The following TFDP1 variants were observed in gnomAD, a reference collection of about 807,000 sequenced individuals.
TFDP1 encodes the protein DRTF1-polypeptide 1.
Under a neutral mutation model 48.0 loss-of-function variants are expected in TFDP1, and 6 were observed. The ratio of observed to expected loss-of-function variants is 0.13; its 90% CI spans 0.07 to 0.25. The LOEUF (loss-of-function observed/expected upper bound fraction) is 0.25, where lower values mean the gene tolerates loss of function less well. Among genes scored for constraint, TFDP1 ranks in the 10% least tolerant of loss-of-function variants. The probability of loss-of-function intolerance (pLI) is 1.00; values close to 1 mark genes in which losing one functional copy is unlikely to be tolerated. For missense variants in TFDP1, 335 were observed against 543.0 expected (o/e 0.62, Z 3.81); for synonymous variants, 201 against 211.6 (o/e 0.95, Z 0.44).
chr13:113,636,293 G>A (rs1357254792), intron 9 of TFDP1, among the ~76,000 whole-genome samples, 165 bp downstream of exon 9: 1 of 152,286 alleles, frequency 6.6e-6, no homozygotes, highest in Non-Finnish European at 1.5e-5. Flanking sequence ...CCATGTGGCA[G>A]ATGGAAGGTC....
At chr13:113,587,944 C>T (rs1804565288) in intron 2 of TFDP1, among the ~76,000 whole-genome samples, 1 of 152,130 alleles carries the variant, frequency 6.6e-6, no homozygotes. Context: ...GTGACCTTGG[C>T]CTCCTGGGTT....
chr13:113,589,462 C>T (rs761551066), intron 2 of TFDP1, among the ~76,000 whole-genome samples: 7 of 152,152 alleles, frequency 4.6e-5, no homozygotes, highest in Admixed American at 1.3e-4. Flanking sequence ...CTGGCCCACC[C>T]GGTCTGTGAT....
chr13:113,636,226 A>G, intron 9 of TFDP1, 98 bp downstream of exon 9: 1 of 1,461,544 alleles, frequency 6.8e-7, no homozygotes. Flanking sequence ...TAAATGTTGT[A>G]CAAATAGCAA....
chr13:113,622,515 G>A (rs765157663), intron 3 of TFDP1, among the ~76,000 whole-genome samples: 37 of 152,334 alleles, frequency 2.4e-4, no homozygotes, highest in Middle Eastern at 3.4e-3. Context: ...CTCTCTGCCC[G>A]CTGATGCCAG....
intron 2 of TFDP1, among the ~76,000 whole-genome samples, chr13:113,601,517 G>C (rs1594432449): frequency 6.6e-6 from 1 of 152,230 alleles, no homozygotes; most frequent in Non-Finnish European, 1.5e-5. Context: ...TGCTTGGTGG[G>C]AGCAGGGCAG....
chr13:113,599,284 C>A (rs1181929532), intron 2 of TFDP1, among the ~76,000 whole-genome samples: 3 of 152,096 alleles, frequency 2.0e-5, no homozygotes, highest in Non-Finnish European at 2.9e-5. Flanking sequence ...CTGTCACGGA[C>A]CTGGGTGACT....
intron 2 of TFDP1, among the ~76,000 whole-genome samples, chr13:113,590,287 A>G (rs1252361774): frequency 6.6e-6 from 1 of 152,194 alleles, no homozygotes; most frequent in Non-Finnish European, 1.5e-5. Flanking sequence ...GCTGGGGACC[A>G]AGAGAACTGT....
rs1229849073 is a variant in TFDP1, at chr13:113,627,667, CACAGCCGCCTGAGCCCTGCCT to C, written c.187-3955_187-3935del. Among the ~76,000 whole-genome samples the C allele has an allele frequency of 6.6e-6, 1 of 152,122 alleles. No individual in the cohort carries two copies. The highest frequency in any genetic ancestry group is 1.5e-5 in the Non-Finnish European group (1 of 68,022). ...CCTGGGCCTGTTAGGAAGCTGGCCGCACAGCCGCCTGAGCCCTGCCTCCTGTCAGATCCCAGCATTAGGTTC... is the reference window on the plus strand; with the variant it reads ...CCTGGGCCTGTTAGGAAGCTGGCCGCCCTGTCAGATCCCAGCATTAGGTTC... On this transcript the variant is annotated intron_variant, in intron 4 of 11. Coordinates refer to ENST00000375370, the MANE Select transcript of TFDP1 (RefSeq NM_007111.5). The surrounding 1 kb of genome is among the most constrained non-coding windows in gnomAD (Gnocchi z 4.1).
intron 2 of TFDP1, among the ~76,000 whole-genome samples, chr13:113,608,827 C>T (rs986395015): frequency 6.6e-6 from 1 of 152,180 alleles, no homozygotes; most frequent in Non-Finnish European, 1.5e-5. Context: ...GCCACTTGGC[C>T]GTGTGTACCT....
At position 113,634,006 on chromosome 13, in the gene TFDP1, C is replaced by T; in HGVS notation, c.591C>T (p.Asn197=). 6.2e-7 allele frequency: 1 copy of T among 1,614,184 alleles called. No individual in the cohort carries two copies. Among genetic ancestry groups the T allele is most frequent in the Non-Finnish European group, 8.5e-7 (1 of 1,180,032 alleles). The change falls in exon 7 of 12, where the codon AAC becomes AAT. Residue 197 remains asparagine, a synonymous_variant. Transcript: ENST00000375370. ...KEIKWIGLPT[N]SAQECQNLEV... ...TCAAGTGGATTGGTCTGCCCACCAA[C>T]TCGGCTCAGGAATGTCAGAACTTAG...
rs1414911597 is a variant in TFDP1, at chr13:113,623,640, A to C, written c.186+354A>C. On this transcript the variant is annotated intron_variant, in intron 4 of 11. Transcript: ENST00000375370. The surrounding 1 kb of genome is among the most constrained non-coding windows in gnomAD (Gnocchi z 5.2). The stretch of plus-strand genomic sequence containing the variant: ...TCATCTAACAGGGGCTTCTTACGTG[A>C]TGTGGCCGAGCGTTGGCTGTGGCCC... 2.6e-5 allele frequency among the ~76,000 whole-genome samples: 4 copies of C among 152,050 alleles called. No homozygotes were observed. Among genetic ancestry groups the C allele is most frequent in the Admixed American group, 2.0e-4 (3 of 15,286 alleles).
intron 2 of TFDP1, among the ~76,000 whole-genome samples, chr13:113,590,516 C>G (rs531762292): frequency 6.6e-6 from 1 of 152,322 alleles, no homozygotes; most frequent in South Asian, 2.1e-4. Context: ...TTCAGCGACT[C>G]AGGCCTTCTT....
At chr13:113,621,392 C>T (rs939759972) in intron 3 of TFDP1, among the ~76,000 whole-genome samples, 25 of 152,064 alleles carry the variant, frequency 1.6e-4, no homozygotes, top group Non-Finnish European at 7.3e-5. Context: ...ACCCAGGTGC[C>T]GAGGCAAGAG....
chr13:113,591,907 C>T (rs1277101499), intron 2 of TFDP1, among the ~76,000 whole-genome samples: 1 of 152,200 alleles, frequency 6.6e-6, no homozygotes, highest in Non-Finnish European at 1.5e-5. Context: ...ACTGGCCATG[C>T]ACTGCTCTCT....
intron 4 of TFDP1, among the ~76,000 whole-genome samples, chr13:113,624,328 CGT>C (rs1347719571): frequency 1.3e-5 from 2 of 151,716 alleles, no homozygotes; most frequent in African/African-American, 4.9e-5. Context: ...GGTGTCCTCA[CGT>C]GTCTCTCGGG....
chr13:113,608,578 C>T (rs1012818149), intron 2 of TFDP1, among the ~76,000 whole-genome samples: 11 of 152,172 alleles, frequency 7.2e-5, no homozygotes, highest in East Asian at 1.9e-4. Context: ...CAGCCCTGGC[C>T]GAGGCCCTTG....
intron 2 of TFDP1, among the ~76,000 whole-genome samples, chr13:113,593,102 T>A (rs1484185632): frequency 5.3e-5 from 7 of 132,156 alleles, no homozygotes; most frequent in African/African-American, 1.8e-4. Context: ...CCTGCCCAGG[T>A]GACAGGTGTG....
intron 3 of TFDP1, among the ~76,000 whole-genome samples, chr13:113,617,158 G>A (rs888271709): frequency 4.0e-4 from 61 of 152,206 alleles, no homozygotes; most frequent in African/African-American, 1.5e-3. Context: ...CACAGTAGGT[G>A]TGTGATTTGT....
chr13:113,593,354 G>T (rs2048196625), intron 2 of TFDP1, among the ~76,000 whole-genome samples: 1 of 140,100 alleles, frequency 7.1e-6, no homozygotes, highest in Non-Finnish European at 1.5e-5. Flanking sequence ...CAGGTGTGCT[G>T]TGTGTGGGTC....
Sources: allele counts gnomAD v4.1 joint callset (sites outside exome capture counted in the v4.1 genomes callset), GRCh38; gene constraint gnomAD v4.1.1; non-coding constraint Gnocchi (gnomAD v3.1); transcripts MANE v1.5; gene names NCBI Gene and HGNC (gene_info 2026-07-23, HGNC 2026-07-21).